PRKG1: variants seen among roughly 807,000 people sequenced by gnomAD.
The protein encoded by PRKG1 is cGMP-dependent protein kinase 1.
PRKG1 carries 35 observed loss-of-function variants against 88.1 expected under a neutral mutation model. That is an observed-to-expected ratio of 0.40 (90% confidence interval 0.30 to 0.53). The LOEUF is 0.53. Ranked by LOEUF, PRKG1 falls within the 20% of genes least tolerant of loss-of-function variation. The pLI is 0.59. For missense variants in PRKG1, 540 were observed against 839.8 expected (o/e 0.64, Z 4.41); for synonymous variants, 303 against 292.5 (o/e 1.04, Z -0.37).
At chr10:52,185,265 A>T (rs1839165086) in intron 9 of PRKG1, among the ~76,000 whole-genome samples, 1 of 152,192 alleles carries the variant, frequency 6.6e-6, no homozygotes, top group Non-Finnish European at 1.5e-5. Context: ...AAAAGAACAG[A>T]GCTACAGGCC....
At chr10:51,310,803 C>A (rs958076695) in intron 2 of PRKG1, among the ~76,000 whole-genome samples, 2 of 152,102 alleles carry the variant, frequency 1.3e-5, no homozygotes, top group African/African-American at 4.8e-5. Flanking sequence ...GGACCTTGCC[C>A]TCTAGGTGGG....
chr10:51,431,470 A>T (rs1349238157), intron 2 of PRKG1, among the ~76,000 whole-genome samples: 1 of 152,202 alleles, frequency 6.6e-6, no homozygotes, highest in East Asian at 1.9e-4. Flanking sequence ...CAGTTGTCTG[A>T]TACCTGGCCC....
At chr10:51,030,192 T>A (rs1440083440) in intron 1 of PRKG1, among the ~76,000 whole-genome samples, 1 of 151,864 alleles carries the variant, frequency 6.6e-6, no homozygotes, top group East Asian at 1.9e-4. Flanking sequence ...TACCAATGAC[T>A]ATATTTACTG....
intron 3 of PRKG1, among the ~76,000 whole-genome samples, chr10:51,586,360 G>A (rs944482089): frequency 1.3e-5 from 2 of 152,246 alleles, no homozygotes; most frequent in African/African-American, 4.8e-5. Context: ...CACCACTGTA[G>A]CATTTCAGGG....
intron 4 of PRKG1, among the ~76,000 whole-genome samples, chr10:51,849,189 C>A (rs891339420): frequency 6.6e-6 from 1 of 152,140 alleles, no homozygotes; most frequent in African/African-American, 2.4e-5. Context: ...CTTTAACCCA[C>A]CTCTGCTTTT....
rs115133298 is a variant in PRKG1, at chr10:51,046,735, A to G, written c.266+55091A>G. Among the ~76,000 whole-genome samples the G allele has an allele frequency of 4.4e-3, 677 of 152,336 alleles. 5 individuals carry two copies. Among genetic ancestry groups the G allele is most frequent in the African/African-American group, 0.011 (441 of 41,574 alleles). On this transcript the variant is annotated intron_variant, in intron 1 of 17. Transcript: ENST00000401604. ...CAGTCAAAACCCATGGGTGGAATAC[A>G]TGTGTCAACTCAGGCAGATAGCACA...
intron 9 of PRKG1, among the ~76,000 whole-genome samples, chr10:52,197,780 A>G (rs977824434): frequency 2.0e-5 from 3 of 152,184 alleles, no homozygotes; most frequent in African/African-American, 7.2e-5. Context: ...TTAATACCAG[A>G]CTTTATGGAG....
At chr10:51,524,118 G>C (rs1477617524) in intron 3 of PRKG1, among the ~76,000 whole-genome samples, 1 of 152,162 alleles carries the variant, frequency 6.6e-6, no homozygotes, top group Non-Finnish European at 1.5e-5. Flanking sequence ...GAAGACTCCT[G>C]CTTCTGCTTT....
intron 4 of PRKG1, among the ~76,000 whole-genome samples, chr10:51,834,184 T>C (rs2132759839): frequency 6.6e-6 from 1 of 152,286 alleles, no homozygotes; most frequent in South Asian, 2.1e-4. Flanking sequence ...TCAATCTCCA[T>C]AATGGCCTCT....
chr10:51,778,273 T>C (rs1047016746), intron 3 of PRKG1, among the ~76,000 whole-genome samples: 1 of 152,098 alleles, frequency 6.6e-6, no homozygotes, highest in Admixed American at 6.6e-5. Flanking sequence ...TTTCTCCCAT[T>C]AGGTCTTTAT....
chr10:51,715,306 A>G (rs1841859251), intron 3 of PRKG1, among the ~76,000 whole-genome samples: 1 of 152,224 alleles, frequency 6.6e-6, no homozygotes, highest in South Asian at 2.1e-4. Flanking sequence ...AAATTATGCA[A>G]GATTTCTTAA....
chr10:51,157,126 T>G (rs1289203415), intron 2 of PRKG1, among the ~76,000 whole-genome samples: 1 of 151,994 alleles, frequency 6.6e-6, no homozygotes, highest in African/African-American at 2.4e-5. Flanking sequence ...TCTTATGGTT[T>G]TAACAAAGAG....
intron 5 of PRKG1, among the ~76,000 whole-genome samples, chr10:52,023,571 G>T (rs1487987340): frequency 1.3e-5 from 2 of 152,156 alleles, no homozygotes; most frequent in African/African-American, 4.8e-5. Flanking sequence ...ATCCTCTCCA[G>T]CACCTGTTGT....
intron 2 of PRKG1, among the ~76,000 whole-genome samples, chr10:51,285,085 C>T (rs1840407180): frequency 7.7e-6 from 1 of 129,500 alleles, no homozygotes; most frequent in Admixed American, 8.3e-5. Context: ...TGTATATTCC[C>T]CTTCCTGTGA....
intron 10 of PRKG1, among the ~76,000 whole-genome samples, chr10:52,268,642 T>A (rs1841635853): frequency 6.6e-6 from 1 of 152,052 alleles, no homozygotes; most frequent in Non-Finnish European, 1.5e-5. Context: ...TAATTGGTTT[T>A]GTATTCAGCT....
At chr10:51,244,311 T>C (rs1839231214) in intron 2 of PRKG1, among the ~76,000 whole-genome samples, 1 of 150,224 alleles carries the variant, frequency 6.7e-6, no homozygotes, top group East Asian at 1.9e-4. Flanking sequence ...TTTCTTCCTT[T>C]TTTTTTTTTT....
chr10:51,353,475 A>T (rs900477093), intron 2 of PRKG1, among the ~76,000 whole-genome samples: 1 of 151,006 alleles, frequency 6.6e-6, no homozygotes, highest in African/African-American at 2.4e-5. Flanking sequence ...AATGTGATTT[A>T]AAAATGGGCA....
chr10:52,207,591 T>C (rs749845737), intron 9 of PRKG1, among the ~76,000 whole-genome samples: 10 of 152,144 alleles, frequency 6.6e-5, no homozygotes, highest in Admixed American at 1.3e-4. Context: ...GCACCAAACC[T>C]TGAAGCTCCA....
chr10:51,758,515 G>A (rs2132522482), intron 3 of PRKG1, among the ~76,000 whole-genome samples: 1 of 152,190 alleles, frequency 6.6e-6, no homozygotes, highest in Admixed American at 6.5e-5. Context: ...AAGGGGAGAC[G>A]ACAACAGGAG....
Sources: allele counts gnomAD v4.1 joint callset (sites outside exome capture counted in the v4.1 genomes callset), GRCh38; gene constraint gnomAD v4.1.1; transcripts MANE v1.5; gene names NCBI Gene and HGNC (gene_info 2026-07-23, HGNC 2026-07-21).